PPTC7: variants seen among roughly 807,000 people sequenced by gnomAD.
PPTC7 encodes protein phosphatase PTC7 homolog.
In PPTC7, 6 loss-of-function variants were observed where a neutral mutation model predicts 30.8. The ratio of observed to expected loss-of-function variants is 0.19; its 90% CI spans 0.11 to 0.38. The LOEUF (loss-of-function observed/expected upper bound fraction) is 0.38, where lower values mean the gene tolerates loss of function less well. Ranked by LOEUF, PPTC7 falls within the 10% of genes least tolerant of loss-of-function variation. PPTC7 has a pLI of 1.00. For synonymous variants in PPTC7, 163 were observed against 168.1 expected (o/e 0.97, Z 0.23); for missense variants, 218 against 404.8 (o/e 0.54, Z 3.96).
At chr12:110,582,290 T>C (rs2064644055) in intron 1 of PPTC7, among the ~76,000 whole-genome samples, 1 of 152,092 alleles carries the variant, frequency 6.6e-6, no homozygotes, top group Admixed American at 6.5e-5. Flanking sequence ...AGGGTGAAGA[T>C]TTGGTTACCA....
chr12:110,569,070 C>T (rs534128719), intron 1 of PPTC7, among the ~76,000 whole-genome samples: 1 of 144,216 alleles, frequency 6.9e-6, no homozygotes, highest in South Asian at 2.2e-4. Flanking sequence ...CAGTGGCTCA[C>T]GCCTGTAATC....
At chr12:110,576,053 G>T (rs1209453918) in intron 1 of PPTC7, among the ~76,000 whole-genome samples, 1 of 152,044 alleles carries the variant, frequency 6.6e-6, no homozygotes, top group Non-Finnish European at 1.5e-5. Context: ...ACTCAGAATA[G>T]TCAGAAAGCC....
intron 1 of PPTC7, among the ~76,000 whole-genome samples, chr12:110,582,330 G>A (rs1158984157): frequency 6.6e-6 from 1 of 152,230 alleles, no homozygotes; most frequent in African/African-American, 2.4e-5. Context: ...CGGCCGGGCT[G>A]TCTGGGGGCT....
Position 110,534,861 on chromosome 12 carries a change from G to A in PPTC7, c.*2176C>T, listed in dbSNP as rs1193373857. ...AGATTGTGTTTGACGGGTTAAATGA[G>A]AGCAGAGAAAAACCAGAAACTTGAC... is the stretch of plus-strand genomic sequence containing the variant. On this transcript the variant is annotated 3_prime_UTR_variant, in exon 6 of 6. Transcript: ENST00000354300. 6.6e-6 allele frequency: 1 copy of A among 152,536 alleles called. No individual in the cohort carries two copies. The highest frequency in any genetic ancestry group is 1.5e-5 in the Non-Finnish European group (1 of 68,030). 9.4% of individuals were successfully genotyped at this position (152,536 alleles called of 1,614,324 possible). A position where few individuals can be genotyped will look rare whatever the true frequency, so the allele number is the denominator to read the frequency against.
intron 3 of PPTC7, among the ~76,000 whole-genome samples, chr12:110,544,845 G>A (rs535862854): frequency 2.8e-4 from 43 of 151,820 alleles, no homozygotes; most frequent in African/African-American, 8.9e-4. Context: ...GAGAAGGGGC[G>A]GGGAAAAAAA....
chr12:110,546,874 T>A (rs2064309995), intron 2 of PPTC7: 1 of 152,038 alleles, frequency 6.6e-6, no homozygotes, highest in African/African-American at 2.4e-5. Context: ...TCTGTAAATA[T>A]ATGAAAAAAT....
chr12:110,564,877 T>TACACGTTATATATATATACACG (rs1288351192), intron 1 of PPTC7, among the ~76,000 whole-genome samples: 6 of 149,608 alleles, frequency 4.0e-5, no homozygotes, highest in African/African-American at 7.5e-5. Context: ...TATATATACA[T>TACACGTTATATATATATACACG]TGTTTTTTTT....
chr12:110,553,379 C>T (rs1176845736), intron 1 of PPTC7, among the ~76,000 whole-genome samples: 4 of 151,892 alleles, frequency 2.6e-5, no homozygotes, highest in Admixed American at 2.6e-4. Context: ...CTCCTGACCT[C>T]ATGATCTGCC....
chr12:110,546,957 C>G (rs2064311011), intron 2 of PPTC7, among the ~76,000 whole-genome samples: 1 of 152,120 alleles, frequency 6.6e-6, no homozygotes, highest in South Asian at 2.1e-4. Context: ...ATATTGTTGG[C>G]AAAGTGTAGG....
chr12:110,557,431 C>T lies in PPTC7; in HGVS notation c.224-5463G>A, dbSNP rs538249667. Among the ~76,000 whole-genome samples the T allele has an allele frequency of 1.5e-3, 235 of 152,072 alleles. 1 individual carries two copies. Among genetic ancestry groups the T allele is most frequent in the Non-Finnish European group, 2.7e-3 (186 of 67,974 alleles). On this transcript the variant is annotated intron_variant, in intron 1 of 5. Transcript: ENST00000354300. ...CTGGGATTACAGACACACCCTGATA[C>T]ACCCCGCTACTTTTTTTTTTAAGTT... is the stretch of plus-strand genomic sequence containing the variant.
chr12:110,540,594 C>T (rs1593142672), intron 3 of PPTC7, among the ~76,000 whole-genome samples: 2 of 151,914 alleles, frequency 1.3e-5, no homozygotes, highest in South Asian at 2.1e-4. Flanking sequence ...TCAGGTGATC[C>T]GCCTGCCCCG....
intron 3 of PPTC7, among the ~76,000 whole-genome samples, chr12:110,540,321 C>CCCCCCCCCT (rs377082561): frequency 9.5e-6 from 1 of 105,012 alleles, no homozygotes; most frequent in Non-Finnish European, 1.8e-5. Flanking sequence ...CCCCCCCCGC[C>CCCCCCCCCT]TTTTTTTTTT....
chr12:110,582,057 A>G (rs1255704878), intron 1 of PPTC7, among the ~76,000 whole-genome samples: 3 of 152,180 alleles, frequency 2.0e-5, no homozygotes, highest in African/African-American at 4.8e-5. Context: ...CCCAAAAGGT[A>G]TAACTGGAAT....
Position 110,536,783 on chromosome 12 carries a change from G to T in PPTC7, c.*254C>A. On this transcript the variant is annotated 3_prime_UTR_variant, in exon 6 of 6. Coordinates refer to ENST00000354300, the MANE Select transcript of PPTC7 (RefSeq NM_139283.2). The stretch of plus-strand genomic sequence containing the variant: ...ACTGAACACCTCCATCCCCATCATG[G>T]AAAGAACATCGAGAAATGAAGGCCA... 1 of 462,442 alleles carries T rather than the reference G, an allele frequency of 2.2e-6. No homozygotes were observed. The highest frequency in any genetic ancestry group is 3.8e-6 in the Non-Finnish European group (1 of 262,588). 28.6% of individuals were successfully genotyped at this position (462,442 alleles called of 1,614,324 possible). A position where few individuals can be genotyped will look rare whatever the true frequency, so the allele number is the denominator to read the frequency against.
intron 1 of PPTC7, among the ~76,000 whole-genome samples, chr12:110,582,192 T>C (rs1367392261): frequency 6.6e-6 from 1 of 152,156 alleles, no homozygotes; most frequent in Non-Finnish European, 1.5e-5. Context: ...AACCCCCAAG[T>C]GACCGCAAGT....
At chr12:110,558,906 T>C (rs552633992) in intron 1 of PPTC7, among the ~76,000 whole-genome samples, 1 of 152,316 alleles carries the variant, frequency 6.6e-6, no homozygotes, top group South Asian at 2.1e-4. Context: ...GTGCCCAGGC[T>C]AGTTTTATCT....
At chr12:110,562,739 G>A (rs911403087) in intron 1 of PPTC7, among the ~76,000 whole-genome samples, 1 of 152,000 alleles carries the variant, frequency 6.6e-6, no homozygotes, top group Non-Finnish European at 1.5e-5. Flanking sequence ...GTTGCAGTGA[G>A]CTGTGATTGA....
intron 1 of PPTC7, among the ~76,000 whole-genome samples, chr12:110,569,633 C>CA (rs2064516247): frequency 6.6e-6 from 1 of 152,150 alleles, no homozygotes; most frequent in African/African-American, 2.4e-5. Flanking sequence ...CAAAGGCTAA[C>CA]AAATAAGGCT....
intron 1 of PPTC7, among the ~76,000 whole-genome samples, chr12:110,575,295 ACTG>A (rs2064579055): frequency 6.6e-6 from 1 of 152,154 alleles, no homozygotes; most frequent in South Asian, 2.1e-4. Context: ...GAAATAAAAT[ACTG>A]CTAACTTACT....
Sources: allele counts gnomAD v4.1 joint callset (sites outside exome capture counted in the v4.1 genomes callset), GRCh38; gene constraint gnomAD v4.1.1; transcripts MANE v1.5; gene names NCBI Gene and HGNC (gene_info 2026-07-23, HGNC 2026-07-21).